Variants in POLR2F observed in about 807,000 individuals in gnomAD.
POLR2F encodes the protein DNA-directed RNA polymerases I, II, and III subunit RPABC2.
A neutral mutation model predicts 22.7 loss-of-function variants in POLR2F; 12 were observed. That is an observed-to-expected ratio of 0.53 (90% CI 0.34 to 0.86). POLR2F has a LOEUF of 0.86. Among genes scored for constraint, POLR2F ranks in the 40% least tolerant of loss-of-function variants. The probability of loss-of-function intolerance (pLI) is 0.02; values close to 1 mark genes in which losing one functional copy is unlikely to be tolerated. For missense variants in POLR2F, 126 were observed against 171.5 expected (o/e 0.73, Z 1.48); for synonymous variants, 57 against 66.0 (o/e 0.86, Z 0.66).
At chr22:38,014,004 C>T (rs557353149) in intron 1 of POLR2F, among the ~76,000 whole-genome samples, 1 of 151,914 alleles carries the variant, frequency 6.6e-6, no homozygotes, top group African/African-American at 2.4e-5. Context: ...TGCCTGTAAT[C>T]CCAGCTACTC....
downstream of POLR2F, among the ~76,000 whole-genome samples, chr22:38,028,534 G>A (rs1188720384): frequency 6.6e-6 from 1 of 152,044 alleles, no homozygotes; most frequent in African/African-American, 2.4e-5. Context: ...ATGTGTGTGT[G>A]CGCATACGTG....
downstream of POLR2F, chr22:37,973,903 G>A (rs141262841): frequency 2.9e-5 from 47 of 1,610,120 alleles, no homozygotes; most frequent in South Asian, 7.7e-5. Flanking sequence ...AGATCCAGGC[G>A]GAGTGTCCAC....
intron 5 of POLR2F, among the ~76,000 whole-genome samples, chr22:38,037,593 C>T (rs1430351992): frequency 8.6e-6 from 1 of 116,940 alleles, no homozygotes; most frequent in African/African-American, 3.7e-5. Context: ...CTCTTCCTAT[C>T]TCCTTTTTTT....
At chr22:37,954,566 G>A (rs1375000204) in intron 1 of POLR2F, among the ~76,000 whole-genome samples, 1 of 152,196 alleles carries the variant, frequency 6.6e-6, no homozygotes, top group Non-Finnish European at 1.5e-5. Flanking sequence ...CTCCCAAAGT[G>A]CTGGGATCAC....
downstream of POLR2F, chr22:37,970,953 G>A (rs1043085881): frequency 7.4e-6 from 2 of 268,736 alleles, no homozygotes; most frequent in East Asian, 9.5e-5. Flanking sequence ...CCAGCTTCAC[G>A]GGAACCAGCA....
intron 1 of POLR2F, among the ~76,000 whole-genome samples, chr22:38,005,590 C>T (rs561595724): frequency 6.6e-6 from 1 of 152,284 alleles, no homozygotes; most frequent in Admixed American, 6.5e-5. Flanking sequence ...CTCCCACCAG[C>T]AAAACATTAC....
chr22:38,040,934 A>G, intron 5 of POLR2F: 1 of 1,451,194 alleles, frequency 6.9e-7, no homozygotes, highest in Non-Finnish European at 9.5e-7. Context: ...TGGTCAAGTC[A>G]GCCAGAGGAG....
At chr22:37,983,650 G>A (rs1569171316), upstream of POLR2F, 6 of 1,596,226 alleles carry the variant, frequency 3.8e-6, no homozygotes, top group South Asian at 1.1e-5. This position sits in a 1 kb window ranked among gnomAD's most constrained non-coding sequence, Gnocchi z 9.5. Flanking sequence ...CTGGCCCCGG[G>A]CTGGCTCGCA....
In POLR2F at chr22:37,968,065, G is replaced by T; in HGVS notation, c.*350G>T. On this transcript the variant is annotated 3_prime_UTR_variant, in exon 5 of 5. Coordinates refer to ENST00000442738, the MANE Select transcript of POLR2F (RefSeq NM_021974.5). ...TGTGCCCAGGGAGCTGGTTGCCACG[G>T]AAACCCCCAATTTCCTTTCCAGTGG... 9.9e-7 allele frequency: 1 copy of T among 1,010,916 alleles called. No individual in the cohort carries two copies. The highest frequency in any genetic ancestry group is 1.2e-6 in the Non-Finnish European group (1 of 845,900). 62.6% of individuals were successfully genotyped at this position (1,010,916 alleles called of 1,614,324 possible). A position where few individuals can be genotyped will look rare whatever the true frequency, so the allele number is the denominator to read the frequency against.
chr22:37,970,208 G>A (rs905795246), downstream of POLR2F, among the ~76,000 whole-genome samples: 3 of 150,250 alleles, frequency 2.0e-5, no homozygotes, highest in Non-Finnish European at 3.0e-5. Context: ...GCGGGAGAAT[G>A]GCGTGAACCC....
chr22:37,995,836 TA>T (rs66823363), intron 1 of POLR2F, among the ~76,000 whole-genome samples: 1,500 of 142,118 alleles, frequency 0.011, 9 homozygotes, highest in African/African-American at 0.021. Flanking sequence ...TACTAAAAAT[TA>T]AAAAAAAAAA....
downstream of POLR2F, chr22:37,973,543 G>A (rs758935474): frequency 1.2e-5 from 20 of 1,611,730 alleles, no homozygotes; most frequent in East Asian, 4.5e-4. Context: ...AGTGTGTGGG[G>A]CTGTGGGACT....
At chr22:37,987,656 T>C in intron 1 of POLR2F, 1 of 296,572 alleles carries the variant, frequency 3.4e-6, no homozygotes, top group South Asian at 3.3e-5. Context: ...TGCCCCAGCC[T>C]CAGTTTCCCC....
chr22:38,027,680 GCA>G (rs747699238), downstream of POLR2F, among the ~76,000 whole-genome samples: 1 of 152,082 alleles, frequency 6.6e-6, no homozygotes, highest in Non-Finnish European at 1.5e-5. Flanking sequence ...ATGCACGTGT[GCA>G]CACACACATT....
downstream of POLR2F, chr22:37,974,224 A>C: frequency 6.4e-7 from 1 of 1,570,510 alleles, no homozygotes; most frequent in Non-Finnish European, 8.7e-7. This position sits in a 1 kb window ranked among gnomAD's most constrained non-coding sequence, Gnocchi z 5.4. Context: ...ACAGAGAGAG[A>C]GAGCGCAAGG....
intron 3 of POLR2F, among the ~76,000 whole-genome samples, chr22:37,960,599 A>G (rs1931594056): frequency 6.6e-6 from 1 of 151,798 alleles, no homozygotes; most frequent in Non-Finnish European, 1.5e-5. Flanking sequence ...GGGTTTCACC[A>G]TGTTAGCCAG....
At chr22:38,007,909 T>C (rs1200626281) in intron 1 of POLR2F, among the ~76,000 whole-genome samples, 1 of 152,172 alleles carries the variant, frequency 6.6e-6, no homozygotes, top group Non-Finnish European at 1.5e-5. Context: ...CCTTCAGAGC[T>C]CTGCCACGGC....
At chr22:37,994,795 C>T (rs1175032933) in intron 1 of POLR2F, among the ~76,000 whole-genome samples, 1 of 152,166 alleles carries the variant, frequency 6.6e-6, no homozygotes, top group East Asian at 1.9e-4. Flanking sequence ...CGTGAGCCAC[C>T]GCACCCGGCC....
At chr22:38,011,163 A>G (rs2084868671) in intron 1 of POLR2F, among the ~76,000 whole-genome samples, 1 of 152,182 alleles carries the variant, frequency 6.6e-6, no homozygotes, top group Admixed American at 6.6e-5. Flanking sequence ...GTGCAGTGGA[A>G]TGATCACAGC....
Sources: allele counts gnomAD v4.1 joint callset (sites outside exome capture counted in the v4.1 genomes callset), GRCh38; gene constraint gnomAD v4.1.1; non-coding constraint Gnocchi (gnomAD v3.1); transcripts MANE v1.5; gene names NCBI Gene and HGNC (gene_info 2026-07-23, HGNC 2026-07-21).